The following PGS1 variants were observed in gnomAD, a reference collection of about 807,000 sequenced individuals.
PGS1 encodes phosphatidylglycerophosphate synthase 1.
In PGS1, 44 loss-of-function variants were observed where a neutral mutation model predicts 58.3. The ratio of observed to expected loss-of-function variants is 0.75; its 90% CI spans 0.59 to 0.97. The LOEUF (loss-of-function observed/expected upper bound fraction) is 0.97, where lower values mean the gene tolerates loss of function less well. PGS1 is among the 50% of genes least tolerant of loss of function. PGS1 has a pLI of 0.00. For synonymous variants in PGS1, 330 were observed against 311.0 expected, an observed-to-expected ratio of 1.06 and a Z score of -0.64; for missense variants, 684 against 731.1, an observed-to-expected ratio of 0.94 and a Z score of 0.74.
intron 3 of PGS1, chr17:78,397,931 TGTGTTGAA>T: frequency 2.3e-6 from 1 of 430,114 alleles, no homozygotes; most frequent in Non-Finnish European, 4.5e-6. Flanking sequence ...GAGGATTGTC[TGTGTTGAA>T]ATGTACGTGA....
At chr17:78,394,605 G>C (rs1291498722) in intron 2 of PGS1, among the ~76,000 whole-genome samples, 3 of 151,526 alleles carry the variant, frequency 2.0e-5, no homozygotes, top group Non-Finnish European at 4.4e-5. Context: ...GCCCAGGCTG[G>C]AGTGCAATGG....
chr17:78,402,054 G>C (rs1401914950), intron 6 of PGS1, among the ~76,000 whole-genome samples: 1 of 128,922 alleles, frequency 7.8e-6, no homozygotes, highest in South Asian at 2.6e-4. Flanking sequence ...TGTGCGCAGG[G>C]CCCCCCGGTG....
intron 4 of PGS1, 47 bp from the exon 5 acceptor site, chr17:78,399,294 GGCAGGAC>G: frequency 6.9e-7 from 1 of 1,443,098 alleles, no homozygotes; most frequent in East Asian, 2.3e-5. Flanking sequence ...CCTCATTGGG[GGCAGGAC>G]GCCTTCCTGT....
At chr17:78,398,418 C>G in intron 4 of PGS1, 67 bp downstream of exon 4, 1 of 1,028,668 alleles carries the variant, frequency 9.7e-7, no homozygotes, top group Non-Finnish European at 1.5e-6. Context: ...AGAGGGGTTA[C>G]TGTCACCCCC....
intron 9 of PGS1, chr17:78,423,723 C>T: frequency 1.4e-6 from 1 of 735,018 alleles, no homozygotes; most frequent in Non-Finnish European, 2.2e-6. Context: ...CTTTAATCTG[C>T]CCCACCTCTT....
At chr17:78,416,795 C>T (rs567721918) in intron 8 of PGS1, among the ~76,000 whole-genome samples, 1 of 152,268 alleles carries the variant, frequency 6.6e-6, no homozygotes, top group East Asian at 1.9e-4. Context: ...TCCACCTATG[C>T]TTATATACTG....
chr17:78,412,928 G>C (rs1472152472), intron 7 of PGS1, among the ~76,000 whole-genome samples: 1 of 151,724 alleles, frequency 6.6e-6, no homozygotes, highest in Non-Finnish European at 1.5e-5. Context: ...TGTCTTGCCA[G>C]CTCCATGCTC....
chr17:78,396,202 A>G, intron 2 of PGS1, 106 bp from the exon 3 acceptor site: 2 of 793,620 alleles, frequency 2.5e-6, no homozygotes, highest in South Asian at 2.9e-5. Flanking sequence ...AAGACATAGG[A>G]TAGTTCAGCT....
chr17:78,403,735 T>C lies in PGS1; in HGVS notation c.1048T>C (p.Trp350Arg). 1 of 1,614,212 alleles carries C rather than the reference T, an allele frequency of 6.2e-7. No homozygotes were observed. The highest frequency in any genetic ancestry group is 8.5e-7 in the Non-Finnish European group (1 of 1,180,040). Residue 350 changes from tryptophan to arginine, a missense_variant, in exon 7 of 10, where the codon TGG (tryptophan) becomes CGG (arginine). Transcript: ENST00000262764. ...AGDRRPAPDT[W>R]IYPLIQMKPF... ...GGATCGCAGACCAGCCCCTGACACC[T>C]GGATTTATCCGCTGATTCAGATGAA...
At chr17:78,410,422 C>CTT (rs1466283474) in intron 7 of PGS1, among the ~76,000 whole-genome samples, 1 of 146,116 alleles carries the variant, frequency 6.8e-6, no homozygotes, top group Non-Finnish European at 1.5e-5. Flanking sequence ...AGACGAAACT[C>CTT]TGTCTCAAAA....
At chr17:78,380,248 T>C (rs2081944958) in intron 1 of PGS1, among the ~76,000 whole-genome samples, 1 of 152,270 alleles carries the variant, frequency 6.6e-6, no homozygotes, top group Admixed American at 6.5e-5. Context: ...TGAGGTTGCA[T>C]TGTGTTAGAT....
At chr17:78,420,713 T>TTTTAATTACTTTTCATTTTATTTGA (rs2085650439) in intron 9 of PGS1, 3 of 152,250 alleles carry the variant, frequency 2.0e-5, no homozygotes, top group Non-Finnish European at 4.4e-5. Flanking sequence ...TTCCTAGTTA[T>TTTTAATTACTTTTCATTTTATTTGA]TTTAATTACT....
intron 3 of PGS1, chr17:78,397,965 C>T (rs976106047): frequency 1.9e-5 from 10 of 515,992 alleles, no homozygotes; most frequent in South Asian, 3.2e-5. Context: ...GGTGTCGTAG[C>T]GTTTCCAGGG....
At chr17:78,398,780 C>G (rs1288756233) in intron 4 of PGS1, among the ~76,000 whole-genome samples, 1 of 152,248 alleles carries the variant, frequency 6.6e-6, no homozygotes, top group Non-Finnish European at 1.5e-5. Flanking sequence ...CATCCCCTAG[C>G]TGTTTCCTTT....
At chr17:78,386,171 C>T (rs532228855) in intron 1 of PGS1, among the ~76,000 whole-genome samples, 48 of 152,318 alleles carry the variant, frequency 3.2e-4, no homozygotes, top group Non-Finnish European at 5.6e-4. Context: ...GGAGCCGGGC[C>T]ACGGGCTGGT....
At chr17:78,387,453 C>T (rs868290450) in intron 1 of PGS1, among the ~76,000 whole-genome samples, 1 of 151,884 alleles carries the variant, frequency 6.6e-6, no homozygotes, top group African/African-American at 2.4e-5. Flanking sequence ...GCATGTGCCA[C>T]CAGGCCCGGC....
At chr17:78,409,773 T>C (rs2084470334) in intron 7 of PGS1, among the ~76,000 whole-genome samples, 5 of 152,228 alleles carry the variant, frequency 3.3e-5, no homozygotes, top group Admixed American at 3.3e-4. Flanking sequence ...GGGAGGAGTA[T>C]GTGTTCATGC....
intron 7 of PGS1, among the ~76,000 whole-genome samples, 169 bp from the exon 8 acceptor site, chr17:78,414,710 G>C (rs542776457): frequency 3.9e-4 from 60 of 152,304 alleles, no homozygotes; most frequent in Non-Finnish European, 7.5e-4. Flanking sequence ...GCGCCGGGGT[G>C]GGGGTGGAAG....
chr17:78,394,249 A>G (rs546976743), intron 2 of PGS1, among the ~76,000 whole-genome samples: 45 of 151,876 alleles, frequency 3.0e-4, no homozygotes, highest in African/African-American at 9.9e-4. Flanking sequence ...CTGAGAGACA[A>G]TAGGAAATCT....
Sources: gnomAD v4.1 joint callset for allele counts (sites outside exome capture counted in the v4.1 genomes callset) on GRCh38, gnomAD v4.1.1 for gene constraint, MANE v1.5 for transcripts, NCBI Gene and HGNC (gene_info 2026-07-23, HGNC 2026-07-21) for gene names.